Variants in SFSWAP observed in about 807,000 individuals in gnomAD.
The protein encoded by SFSWAP is splicing factor SWAP.
Under a neutral mutation model 100.7 loss-of-function variants are expected in SFSWAP, and 17 were observed. The ratio of observed to expected loss-of-function variants is 0.17; its 90% CI spans 0.12 to 0.25. The LOEUF is 0.25. Ranked by LOEUF, SFSWAP falls within the 10% of genes least tolerant of loss-of-function variation. The probability of loss-of-function intolerance (pLI) is 1.00; values close to 1 mark genes in which losing one functional copy is unlikely to be tolerated. For synonymous variants in SFSWAP, 504 were observed against 510.1 expected, an observed-to-expected ratio of 0.99 and a Z score of 0.16; for missense variants, 1,005 against 1,262.6, an observed-to-expected ratio of 0.80 and a Z score of 3.09.
chr12:131,712,213 C>T (rs1469715527), intron 1 of SFSWAP: 1 of 152,180 alleles, frequency 6.6e-6, no homozygotes, highest in East Asian at 1.9e-4. Flanking sequence ...CTTTTCAAAT[C>T]AAACCTGCTT....
At chr12:131,784,795 C>A in intron 14 of SFSWAP, 1 of 283,008 alleles carries the variant, frequency 3.5e-6, no homozygotes, top group Admixed American at 4.9e-5. Context: ...GGCGTTTTCC[C>A]CAGATAACTT....
intron 13 of SFSWAP, among the ~76,000 whole-genome samples, chr12:131,769,937 G>T (rs938262291): frequency 6.6e-6 from 1 of 152,160 alleles, no homozygotes; most frequent in Admixed American, 6.5e-5. Context: ...AGAAATGAGC[G>T]TTTAAATCAC....
In SFSWAP at chr12:131,778,489, T is replaced by C. The variant is rs1180524372; in HGVS notation, c.2408+159T>C. Among the ~76,000 whole-genome samples, 1 of 152,208 alleles carries C rather than the reference T, an allele frequency of 6.6e-6. No homozygotes were observed. The highest frequency in any genetic ancestry group is 1.5e-5 in the Non-Finnish European group (1 of 68,034). ...GTGTGCCCTGCAAGTCCAAGTAAGA[T>C]CTTTTTCAGATTTTTGTTTGTTTTA... On this transcript the variant is annotated intron_variant, in intron 14 of 17. Coordinates refer to ENST00000261674, the MANE Select transcript of SFSWAP (RefSeq NM_004592.4). This position sits in a 1 kb window ranked among gnomAD's most constrained non-coding sequence, Gnocchi z 4.2.
At chr12:131,753,524 A>C in intron 8 of SFSWAP, 161 bp downstream of exon 8, 2 of 993,564 alleles carry the variant, frequency 2.0e-6, no homozygotes, top group Non-Finnish European at 2.9e-6. Flanking sequence ...CAAAGTTGAC[A>C]GGAAAACAGA....
At chr12:131,749,252 G>A (rs944549123) in intron 7 of SFSWAP, among the ~76,000 whole-genome samples, 1 of 152,148 alleles carries the variant, frequency 6.6e-6, no homozygotes, top group Non-Finnish European at 1.5e-5. Context: ...TGGGGTTGTC[G>A]GGAAGTAGCC....
chr12:131,759,920 A>G (rs1566035013), intron 11 of SFSWAP, among the ~76,000 whole-genome samples: 2 of 152,222 alleles, frequency 1.3e-5, no homozygotes, highest in Non-Finnish European at 2.9e-5. Flanking sequence ...ATATTAACAG[A>G]TGAGTGGCTT....
At chr12:131,774,408 A>G (rs1883852147) in intron 13 of SFSWAP, among the ~76,000 whole-genome samples, 1 of 152,220 alleles carries the variant, frequency 6.6e-6, no homozygotes, top group South Asian at 2.1e-4. Context: ...ATCGTGACAC[A>G]GGGGGACTAA....
At position 131,756,463 on chromosome 12, in the gene SFSWAP, T is replaced by G; in HGVS notation, c.1549-10T>G. ...CCTGCTGACAGTTTATAGTGACATT[T>G]AATCTCTAGGCTGTGTCTGCACCAG... On this transcript the variant is annotated splice_polypyrimidine_tract_variant and intron_variant, in intron 10 of 17. Coordinates refer to ENST00000261674, the MANE Select transcript of SFSWAP (RefSeq NM_004592.4). The G allele has an allele frequency of 6.2e-7, 1 of 1,612,892 alleles. No individual in the cohort carries two copies. The highest frequency in any genetic ancestry group is 1.3e-5 in the African/African-American group (1 of 74,988).
At chr12:131,767,023 C>T (rs896057946) in intron 13 of SFSWAP, among the ~76,000 whole-genome samples, 3 of 133,544 alleles carry the variant, frequency 2.2e-5, no homozygotes, top group Non-Finnish European at 3.2e-5. Flanking sequence ...CATGCGTGTC[C>T]GAGACCAGAG....
intron 15 of SFSWAP, among the ~76,000 whole-genome samples, chr12:131,790,549 C>A (rs1387329982): frequency 6.6e-6 from 1 of 152,190 alleles, no homozygotes; most frequent in African/African-American, 2.4e-5. Context: ...CCTACAGCCG[C>A]AGCTACTTGG....
At chr12:131,786,651 C>T (rs1593189855) in intron 15 of SFSWAP, 63 bp downstream of exon 15, 4 of 1,517,016 alleles carry the variant, frequency 2.6e-6, no homozygotes, top group Non-Finnish European at 3.5e-6. Context: ...GTGGAAAGGG[C>T]GTCTGAAGGT....
At chr12:131,760,175 T>G (rs1251515481) in intron 11 of SFSWAP, among the ~76,000 whole-genome samples, 1 of 152,226 alleles carries the variant, frequency 6.6e-6, no homozygotes, top group Non-Finnish European at 1.5e-5. Flanking sequence ...AGAAGTGTCT[T>G]AAGAACTGAA....
Position 131,719,447 on chromosome 12 carries a change from T to C in SFSWAP, c.521-7T>C. On this transcript the variant is annotated splice_region_variant and splice_polypyrimidine_tract_variant and intron_variant, in intron 3 of 17. Coordinates refer to ENST00000261674, the MANE Select transcript of SFSWAP (RefSeq NM_004592.4). ...GTTCTGAATTTTTTAATTTTCTTTTTATGCAGAAAAAAATGAGGCCGAAAA... is the reference window on the plus strand; with the variant it reads ...GTTCTGAATTTTTTAATTTTCTTTTCATGCAGAAAAAAATGAGGCCGAAAA... The C allele has an allele frequency of 6.2e-7, 1 of 1,613,022 alleles. No homozygotes were observed. The highest frequency in any genetic ancestry group is 1.1e-5 in the South Asian group (1 of 91,048).
At chr12:131,741,997 C>T (rs745453879) in intron 7 of SFSWAP, among the ~76,000 whole-genome samples, 1 of 152,176 alleles carries the variant, frequency 6.6e-6, no homozygotes, top group Non-Finnish European at 1.5e-5. Context: ...TTGATGCTCT[C>T]TCACCTTCTC....
chr12:131,780,697 C>T (rs1408184201), intron 14 of SFSWAP, among the ~76,000 whole-genome samples: 1 of 152,140 alleles, frequency 6.6e-6, no homozygotes, highest in African/African-American at 2.4e-5. Context: ...TAAAAAATTT[C>T]CCACTTGAAT....
chr12:131,764,161 C>T (rs1405240861), intron 11 of SFSWAP, among the ~76,000 whole-genome samples: 1 of 152,204 alleles, frequency 6.6e-6, no homozygotes, highest in Non-Finnish European at 1.5e-5. Flanking sequence ...AAGAATTGGC[C>T]ATTTAAAATT....
rs1160742623 is a variant in SFSWAP, at chr12:131,711,247, G to A, written c.18G>A (p.Gly6=). MYGAS[G]GRAKPERKSG... is the part of the protein sequence containing the mutation. ...ACGCTGTCATGTACGGCGCGAGCGG[G>A]GGCCGCGCCAAACCCGAGAGGAAAA... Residue 6 remains glycine, a synonymous_variant, in exon 1 of 18, where the codon GGG becomes GGA. Coordinates refer to ENST00000261674, the MANE Select transcript of SFSWAP (RefSeq NM_004592.4). The surrounding 1 kb of genome is among the most constrained non-coding windows in gnomAD (Gnocchi z 4.9). 1 of 1,606,348 alleles carries A rather than the reference G, an allele frequency of 6.2e-7. No homozygotes were observed. The highest frequency in any genetic ancestry group is 8.5e-7 in the Non-Finnish European group (1 of 1,177,922).
At chr12:131,736,114 A>T (rs937255230) in intron 7 of SFSWAP, among the ~76,000 whole-genome samples, 13 of 152,236 alleles carry the variant, frequency 8.5e-5, no homozygotes, top group Non-Finnish European at 1.8e-4. Context: ...CGGCACCAGC[A>T]CAGAAATCCA....
At position 131,725,600 on chromosome 12, in the gene SFSWAP, C is replaced by G; in HGVS notation, c.802C>G (p.Leu268Val). The G allele has an allele frequency of 6.2e-7, 1 of 1,614,026 alleles. No homozygotes were observed. Among genetic ancestry groups the G allele is most frequent in the Non-Finnish European group, 8.5e-7 (1 of 1,179,990 alleles). Residue 268 changes from leucine to valine, a missense_variant, in exon 5 of 18, where the codon CTG (leucine) becomes GTG (valine). Physicochemically the swap from Leu to Val is conservative, Grantham distance 32 (BLOSUM62 1). Transcript: ENST00000261674. This position sits in a 1 kb window ranked among gnomAD's most constrained non-coding sequence, Gnocchi z 4.3. ...KAMKEGRYTV[L>V]AENKSDEKKK... ...CATGAAAGAGGGACGCTACACTGTCCTGGCAGAAAACAAAAGTGACGAGAA... is the reference window on the plus strand; with the variant it reads ...CATGAAAGAGGGACGCTACACTGTCGTGGCAGAAAACAAAAGTGACGAGAA...
Sources: allele counts gnomAD v4.1 joint callset (sites outside exome capture counted in the v4.1 genomes callset), GRCh38; gene constraint gnomAD v4.1.1; non-coding constraint Gnocchi (gnomAD v3.1); transcripts MANE v1.5; gene names NCBI Gene and HGNC (gene_info 2026-07-23, HGNC 2026-07-21).